Variants in HDAC9 observed in about 807,000 individuals in gnomAD.
HDAC9 encodes histone deacetylase 9.
HDAC9 carries 41 observed loss-of-function variants against 139.4 expected under a neutral mutation model. The observed-to-expected ratio is 0.29, with a 90% CI of 0.23 to 0.38. HDAC9 has a LOEUF of 0.38. HDAC9 is among the 10% of genes least tolerant of loss of function. HDAC9 has a pLI of 1.00. For missense variants in HDAC9, 1,147 were observed against 1,297.0 expected, an observed-to-expected ratio of 0.88 and a Z score of 1.78; for synonymous variants, 517 against 476.2, an observed-to-expected ratio of 1.09 and a Z score of -1.12.
chr7:18,604,543 A>G (rs927533357), intron 6 of HDAC9, among the ~76,000 whole-genome samples: 2 of 151,456 alleles, frequency 1.3e-5, no homozygotes, highest in African/African-American at 4.9e-5. Context: ...AGAAGCTGGG[A>G]CCACCACCAC....
chr7:18,549,029 A>G (rs1302110690), intron 2 of HDAC9, among the ~76,000 whole-genome samples: 1 of 152,120 alleles, frequency 6.6e-6, no homozygotes, highest in Non-Finnish European at 1.5e-5. Flanking sequence ...CGCGAGGTCA[A>G]GAGATCGAGA....
At chr7:18,612,476 G>A (rs1837432320) in intron 6 of HDAC9, among the ~76,000 whole-genome samples, 1 of 151,954 alleles carries the variant, frequency 6.6e-6, no homozygotes, top group African/African-American at 2.4e-5. Flanking sequence ...TAGAGAAGGG[G>A]TGGGGAAGGA....
At chr7:18,560,263 G>A (rs948738142) in intron 2 of HDAC9, among the ~76,000 whole-genome samples, 2 of 152,254 alleles carry the variant, frequency 1.3e-5, no homozygotes, top group African/African-American at 4.8e-5. Context: ...TATTCTACCT[G>A]TGAGTTAGAA....
chr7:18,160,375 C>T (rs2128126356), intron 1 of HDAC9, among the ~76,000 whole-genome samples: 1 of 152,274 alleles, frequency 6.6e-6, no homozygotes, highest in Non-Finnish European at 1.5e-5. Context: ...TCTTGAAGCT[C>T]ACACTTGTCA....
At chr7:18,534,730 C>G (rs1244340156) in intron 2 of HDAC9, among the ~76,000 whole-genome samples, 2 of 152,252 alleles carry the variant, frequency 1.3e-5, no homozygotes, top group Admixed American at 1.3e-4. Flanking sequence ...GAACTGCACT[C>G]GATCCACCAC....
In HDAC9 at chr7:18,495,833, A is replaced by G; in HGVS notation, c.-232A>G. 1 of 1,031,252 alleles carries G rather than the reference A, an allele frequency of 9.7e-7. No homozygotes were observed. 63.9% of individuals were successfully genotyped at this position (1,031,252 alleles called of 1,614,324 possible). On this transcript the variant is annotated 5_prime_UTR_variant, in exon 1 of 26. Coordinates refer to ENST00000686413, the MANE Select transcript of HDAC9 (RefSeq NM_178425.4). ...AGGGTTTTTGCAACAAAACCCTAGC[A>G]GCCTGAAGAACTCTAAGCCAGGTTT...
At chr7:18,836,734 T>C (rs1025838512) in intron 21 of HDAC9, among the ~76,000 whole-genome samples, 1 of 152,142 alleles carries the variant, frequency 6.6e-6, no homozygotes, top group Non-Finnish European at 1.5e-5. Flanking sequence ...TAGTTTGTAG[T>C]TTAAACGTTA....
chr7:18,802,850 C>A (rs1392839450), intron 17 of HDAC9, among the ~76,000 whole-genome samples: 2 of 151,130 alleles, frequency 1.3e-5, no homozygotes, highest in Admixed American at 1.3e-4. Flanking sequence ...TATCATTTAC[C>A]ATTCCTTTAC....
intron 1 of HDAC9, among the ~76,000 whole-genome samples, chr7:18,464,760 A>G (rs905291044): frequency 1.3e-5 from 2 of 152,008 alleles, no homozygotes; most frequent in African/African-American, 4.8e-5. Context: ...TTTCTGTGTT[A>G]TAACACCTTG....
At chr7:18,735,131 A>G (rs1387386614) in intron 13 of HDAC9, among the ~76,000 whole-genome samples, 2 of 152,228 alleles carry the variant, frequency 1.3e-5, no homozygotes, top group Non-Finnish European at 2.9e-5. Context: ...TAGATTCTGC[A>G]TAATAGCCCT....
chr7:18,544,878 C>A (rs900157093), intron 2 of HDAC9, among the ~76,000 whole-genome samples: 1 of 152,174 alleles, frequency 6.6e-6, no homozygotes, highest in African/African-American at 2.4e-5. Context: ...CTGTTTCTTC[C>A]AGGAAACCTG....
chr7:18,237,584 C>T (rs1793905991), intron 2 of HDAC9, among the ~76,000 whole-genome samples: 2 of 152,086 alleles, frequency 1.3e-5, no homozygotes, highest in Admixed American at 6.6e-5. Flanking sequence ...GATAAAGGCA[C>T]ACTAGGGAGT....
At chr7:18,349,307 T>TACACACAC (rs3138825) in intron 1 of HDAC9, among the ~76,000 whole-genome samples, 2,497 of 125,768 alleles carry the variant, frequency 0.02, 57 homozygotes, top group African/African-American at 0.042. Flanking sequence ...TGAGAACATC[T>TACACACAC]ACACACACAC....
At chr7:18,811,011 G>C (rs1333048759) in intron 17 of HDAC9, among the ~76,000 whole-genome samples, 1 of 151,796 alleles carries the variant, frequency 6.6e-6, no homozygotes, top group Admixed American at 6.6e-5. Context: ...AGAAAACAAT[G>C]TTACAGCTTA....
chr7:18,747,545 A>G (rs1035398616), intron 13 of HDAC9, among the ~76,000 whole-genome samples: 2 of 152,176 alleles, frequency 1.3e-5, no homozygotes, highest in Non-Finnish European at 2.9e-5. Flanking sequence ...AAGATCATGA[A>G]TTAAAAATCA....
intron 1 of HDAC9, among the ~76,000 whole-genome samples, chr7:18,425,106 T>A (rs1199425559): frequency 6.6e-6 from 1 of 152,184 alleles, no homozygotes; most frequent in Non-Finnish European, 1.5e-5. Context: ...AATTTTTTTC[T>A]TGTCATAAAA....
chr7:18,903,657 G>T (rs568544197), intron 22 of HDAC9, among the ~76,000 whole-genome samples: 1 of 152,032 alleles, frequency 6.6e-6, no homozygotes, highest in African/African-American at 2.4e-5. Flanking sequence ...AGCTATTTAC[G>T]CCCATTTACT....
chr7:18,448,365 A>T (rs1479831937), intron 1 of HDAC9, among the ~76,000 whole-genome samples: 1 of 152,224 alleles, frequency 6.6e-6, no homozygotes, highest in African/African-American at 2.4e-5. Flanking sequence ...ATTAATAACA[A>T]TAATGCATAT....
At chr7:18,500,201 A>T (rs1158679845) in intron 2 of HDAC9, among the ~76,000 whole-genome samples, 1 of 152,160 alleles carries the variant, frequency 6.6e-6, no homozygotes, top group Non-Finnish European at 1.5e-5. Flanking sequence ...AATCCAATAA[A>T]ACCCCTTGGA....
Sources: gnomAD v4.1 joint callset for allele counts (sites outside exome capture counted in the v4.1 genomes callset) on GRCh38, gnomAD v4.1.1 for gene constraint, MANE v1.5 for transcripts, NCBI Gene and HGNC (gene_info 2026-07-23, HGNC 2026-07-21) for gene names.